The following NFIA variants were observed in gnomAD, a reference collection of about 807,000 sequenced individuals.
NFIA encodes nuclear factor I A.
In NFIA, 8 loss-of-function variants were observed where a neutral mutation model predicts 62.8. The ratio of observed to expected loss-of-function variants is 0.13; its 90% CI spans 0.07 to 0.23. NFIA has a LOEUF of 0.23. Ranked by LOEUF, NFIA falls within the 10% of genes least tolerant of loss-of-function variation. The pLI, the probability that NFIA is intolerant of heterozygous loss-of-function variation, is 1.00. For missense variants in NFIA, 410 were observed against 642.1 expected (o/e 0.64, Z 3.91); for synonymous variants, 235 against 238.1 (o/e 0.99, Z 0.12).
Position 61,455,528 on chromosome 1 carries a change from A to ATTT in NFIA, c.*208_*209insTTT, listed in dbSNP as rs1306231366. Reference sequence around the variant, plus strand: ...ACCTTTTGGGATTTTTTTTTTTTTAAAATACTTTAGGGACTGTTGTAATTT... The same window carrying ATTT: ...ACCTTTTGGGATTTTTTTTTTTTTAATTTAATACTTTAGGGACTGTTGTAATTT... On this transcript the variant is annotated 3_prime_UTR_variant, in exon 11 of 11. Transcript: ENST00000403491. The ATTT allele has an allele frequency of 1.5e-6, 1 of 666,208 alleles. No homozygotes were observed. The highest frequency in any genetic ancestry group is 2.5e-6 in the Non-Finnish European group (1 of 400,034). The allele number at this position is 666,208 out of a possible 1,614,324, so 41.3% of individuals were successfully genotyped here. A position where few individuals can be genotyped will look rare whatever the true frequency, so the allele number is the denominator to read the frequency against.
chr1:61,366,857 A>T (rs1663619991), intron 6 of NFIA, among the ~76,000 whole-genome samples: 1 of 152,180 alleles, frequency 6.6e-6, no homozygotes, highest in Non-Finnish European at 1.5e-5. Context: ...CAGGAGGCAG[A>T]GGTTGCAGTG....
At chr1:61,137,139 C>T (rs934386637) in intron 2 of NFIA, among the ~76,000 whole-genome samples, 10 of 152,122 alleles carry the variant, frequency 6.6e-5, no homozygotes, top group Admixed American at 1.3e-4. Context: ...AAACTTATAG[C>T]TTTTGGAAGA....
intron 2 of NFIA, among the ~76,000 whole-genome samples, chr1:61,181,422 G>A (rs1344285456): frequency 6.6e-6 from 1 of 152,170 alleles, no homozygotes; most frequent in Non-Finnish European, 1.5e-5. Flanking sequence ...GCATTCAGCA[G>A]CTTTAAAAAG....
At chr1:61,346,309 A>G (rs1275137468) in intron 4 of NFIA, among the ~76,000 whole-genome samples, 1 of 152,228 alleles carries the variant, frequency 6.6e-6, no homozygotes, top group Admixed American at 6.5e-5. Context: ...ATAGCACACC[A>G]GAAGGCAGTT....
chr1:61,391,443 C>CAT (rs1664976045), intron 7 of NFIA, among the ~76,000 whole-genome samples: 2 of 109,846 alleles, frequency 1.8e-5, no homozygotes, highest in African/African-American at 9.6e-5. Context: ...CAAACACACA[C>CAT]ACACACACAC....
At chr1:61,403,455 G>A (rs1396138665) in intron 7 of NFIA, among the ~76,000 whole-genome samples, 1 of 152,106 alleles carries the variant, frequency 6.6e-6, no homozygotes, top group Admixed American at 6.5e-5. Flanking sequence ...TTTTAGCAGG[G>A]GTCACTGCCT....
intron 7 of NFIA, among the ~76,000 whole-genome samples, chr1:61,387,478 T>TTGTTTGG (rs1553180855): frequency 7.0e-6 from 1 of 142,810 alleles, no homozygotes. Context: ...CTTTTTTTTT[T>TTGTTTGG]TTTTTTTTTT....
chr1:61,248,037 A>G (rs1187201133), intron 2 of NFIA, among the ~76,000 whole-genome samples: 2 of 152,132 alleles, frequency 1.3e-5, no homozygotes, highest in Non-Finnish European at 2.9e-5. Flanking sequence ...GTGCGGTGAT[A>G]AGCAAACATT....
chr1:61,396,815 C>T (rs111590762), intron 7 of NFIA, among the ~76,000 whole-genome samples: 3,928 of 151,976 alleles, frequency 0.026, 73 homozygotes, highest in Non-Finnish European at 0.042. Flanking sequence ...CGCTGGGCAA[C>T]GTGGTGAAAC....
intron 10 of NFIA, among the ~76,000 whole-genome samples, chr1:61,446,724 T>C (rs1667827640): frequency 6.6e-6 from 1 of 152,226 alleles, no homozygotes; most frequent in Non-Finnish European, 1.5e-5. Flanking sequence ...GGGAGAATTT[T>C]TGAAATAACT....
intron 2 of NFIA, among the ~76,000 whole-genome samples, chr1:61,130,877 A>G (rs1488268583): frequency 2.6e-5 from 4 of 152,198 alleles, no homozygotes; most frequent in African/African-American, 9.7e-5. Flanking sequence ...TGGTTCTACT[A>G]AAATACCCAT....
chr1:61,305,797 G>A (rs1659738917), intron 3 of NFIA, among the ~76,000 whole-genome samples: 1 of 151,542 alleles, frequency 6.6e-6, no homozygotes, highest in African/African-American at 2.4e-5. Context: ...CTGGAGCCTA[G>A]CTCCAAAGGA....
intron 2 of NFIA, among the ~76,000 whole-genome samples, chr1:61,164,182 T>A (rs555903253): frequency 6.6e-6 from 1 of 152,124 alleles, no homozygotes; most frequent in African/African-American, 2.4e-5. Context: ...TTAGACACTT[T>A]CCATTTTTCT....
chr1:61,175,433 C>T (rs942750418), intron 2 of NFIA, among the ~76,000 whole-genome samples: 2 of 152,142 alleles, frequency 1.3e-5, no homozygotes, highest in East Asian at 1.9e-4. Flanking sequence ...TGAGCCACAG[C>T]GCCTGGCCCT....
intron 2 of NFIA, among the ~76,000 whole-genome samples, chr1:61,242,179 G>A (rs1167498187): frequency 6.6e-6 from 1 of 152,172 alleles, no homozygotes; most frequent in East Asian, 1.9e-4. Context: ...TAGAATTTTA[G>A]CTTAGTGTAA....
chr1:61,330,947 A>G (rs1661268826), intron 3 of NFIA, among the ~76,000 whole-genome samples: 2 of 152,188 alleles, frequency 1.3e-5, no homozygotes, highest in Admixed American at 6.5e-5. Flanking sequence ...TGGTCTCCCT[A>G]TAAGAAAGAG....
rs56688086 is a variant in NFIA at position 61,330,436 on chromosome 1, A to ACCC, written c.626-2070_626-2068dup. ...ATAAAATAACTTAGGAAATAGATAC[A>ACCC]CCCCCCCCACACACACACACACACG... On this transcript the variant is annotated intron_variant, in intron 3 of 10. Transcript: ENST00000403491. 4.8e-3 allele frequency among the ~76,000 whole-genome samples: 302 copies of ACCC among 63,468 alleles called. 7 individuals carry two copies. The highest frequency in any genetic ancestry group is 0.014 in the African/African-American group (270 of 19,998). 41.6% of individuals were successfully genotyped at this position (63,468 alleles called of 152,430 possible). A position where few individuals can be genotyped will look rare whatever the true frequency, so the allele number is the denominator to read the frequency against.
At chr1:61,142,947 C>T (rs544036926) in intron 2 of NFIA, among the ~76,000 whole-genome samples, 2 of 152,248 alleles carry the variant, frequency 1.3e-5, no homozygotes, top group Admixed American at 6.5e-5. Flanking sequence ...GCTTGTGTGG[C>T]GACTGCTTGG....
rs199804398 is a variant in NFIA at position 61,205,901 on chromosome 1, C to CTTT, written c.560-71592_560-71590dup. Reference sequence around the variant, plus strand: ...GTTTTACTCTTTTTATTTTGCAGCCCTTTTTTTTTTTTTTTTTTTTTTTTT... The same window carrying CTTT: ...GTTTTACTCTTTTTATTTTGCAGCCCTTTTTTTTTTTTTTTTTTTTTTTTTTTT... On this transcript the variant is annotated intron_variant, in intron 2 of 10. Transcript: ENST00000403491. 3.8e-4 allele frequency among the ~76,000 whole-genome samples: 46 copies of CTTT among 122,528 alleles called. 1 individual carries two copies. Among genetic ancestry groups the CTTT allele is most frequent in the East Asian group, 8.7e-4 (3 of 3,466 alleles). 80.4% of individuals were successfully genotyped at this position (122,528 alleles called of 152,430 possible).
Sources: allele counts gnomAD v4.1 joint callset (sites outside exome capture counted in the v4.1 genomes callset), GRCh38; gene constraint gnomAD v4.1.1; transcripts MANE v1.5; gene names NCBI Gene and HGNC (gene_info 2026-07-23, HGNC 2026-07-21).